The following SEMA5A variants were observed in gnomAD, a reference collection of about 807,000 sequenced individuals.
SEMA5A encodes semaphorin 5A.
In SEMA5A, 55 loss-of-function variants were observed where a neutral mutation model predicts 135.5. That is an observed-to-expected ratio of 0.41 (90% CI 0.33 to 0.51). The LOEUF (loss-of-function observed/expected upper bound fraction) is 0.51. Ranked by LOEUF, SEMA5A falls within the 20% of genes least tolerant of loss-of-function variation. The probability of loss-of-function intolerance (pLI) is 0.37; values close to 1 mark genes in which losing one functional copy is unlikely to be tolerated. For synonymous variants in SEMA5A, 580 were observed against 546.5 expected (o/e 1.06, Z -0.85); for missense variants, 1,290 against 1,419.9 (o/e 0.91, Z 1.47).
intron 2 of SEMA5A, among the ~76,000 whole-genome samples, chr5:9,382,099 C>T (rs964737457): frequency 7.9e-5 from 12 of 151,968 alleles, no homozygotes; most frequent in Non-Finnish European, 1.0e-4. Flanking sequence ...AGTTCGAGAC[C>T]AACCTGGGAA....
intron 2 of SEMA5A, among the ~76,000 whole-genome samples, chr5:9,430,152 A>G (rs182105013): frequency 1.3e-5 from 2 of 152,328 alleles, no homozygotes; most frequent in East Asian, 3.9e-4. Flanking sequence ...TGACAGAGAA[A>G]GAGAATAATC....
Position 9,329,916 on chromosome 5 carries a change from G to A in SEMA5A, c.224+7797C>T, listed in dbSNP as rs139499749. Among the ~76,000 whole-genome samples, 554 of 152,150 alleles carry A rather than the reference G, an allele frequency of 3.6e-3. 2 individuals carry two copies. The highest frequency in any genetic ancestry group is 0.013 in the African/African-American group (537 of 41,502). Reference sequence around the variant, plus strand: ...ATCATCTCTAGATTACTTATATCGAGCACATTATAAATGTAAATAGTCGTT... The same window carrying A: ...ATCATCTCTAGATTACTTATATCGAACACATTATAAATGTAAATAGTCGTT... On this transcript the variant is annotated intron_variant, in intron 4 of 22. Transcript: ENST00000382496.
At chr5:9,107,063 A>G in intron 16 of SEMA5A, among the ~76,000 whole-genome samples, 1 of 152,244 alleles carries the variant, frequency 6.6e-6, no homozygotes, top group Non-Finnish European at 1.5e-5. Flanking sequence ...TTACAGCAGC[A>G]CAAAAGCATT....
rs1002500196 is a variant in SEMA5A, at chr5:9,039,406, C to T, written c.*3491G>A. 1 of 152,298 alleles carries T rather than the reference C, an allele frequency of 6.6e-6. No individual in the cohort carries two copies. The highest frequency in any genetic ancestry group is 1.5e-5 in the Non-Finnish European group (1 of 68,078). The allele number at this position is 152,298 out of a possible 1,614,324, so 9.4% of individuals were successfully genotyped here. Reference sequence around the variant, plus strand: ...TCCCAAACCACATGACATGAACGGACTCTTCCTAGGGACAGAGGTTTCTCC... The same window carrying T: ...TCCCAAACCACATGACATGAACGGATTCTTCCTAGGGACAGAGGTTTCTCC... On this transcript the variant is annotated 3_prime_UTR_variant, in exon 23 of 23. Transcript: ENST00000382496.
intron 5 of SEMA5A, among the ~76,000 whole-genome samples, chr5:9,263,919 C>A (rs544990254): frequency 3.9e-4 from 59 of 152,308 alleles, no homozygotes; most frequent in African/African-American, 1.4e-3. Flanking sequence ...ACACATTCCC[C>A]TCATCTCTCC....
At chr5:9,524,241 G>A (rs1432891676) in intron 1 of SEMA5A, among the ~76,000 whole-genome samples, 2 of 152,212 alleles carry the variant, frequency 1.3e-5, no homozygotes, top group Non-Finnish European at 2.9e-5. Flanking sequence ...CCCCAGCCAT[G>A]CGGAACTATG....
chr5:9,221,379 T>A (rs1051941789), intron 8 of SEMA5A, among the ~76,000 whole-genome samples: 2 of 146,764 alleles, frequency 1.4e-5, no homozygotes, highest in Non-Finnish European at 3.0e-5. Context: ...CTCGGCTTAC[T>A]GCAAGCTCCG....
At chr5:9,116,549 C>A (rs1740524249) in intron 15 of SEMA5A, among the ~76,000 whole-genome samples, 1 of 152,096 alleles carries the variant, frequency 6.6e-6, no homozygotes, top group African/African-American at 2.4e-5. Flanking sequence ...TGCAACAAAG[C>A]TCCCATTGAA....
intron 5 of SEMA5A, 139 bp downstream of exon 5, chr5:9,318,233 C>T (rs1166051422): frequency 1.5e-6 from 1 of 672,948 alleles, no homozygotes; most frequent in East Asian, 2.7e-5. Flanking sequence ...CCGCCTTAGT[C>T]CCGTGGCCTG....
intron 1 of SEMA5A, among the ~76,000 whole-genome samples, chr5:9,541,995 G>A (rs461750): frequency 0.092 from 14,023 of 152,150 alleles, 1,072 homozygotes; most frequent in African/African-American, 0.2. Flanking sequence ...ATTTTGAATC[G>A]AAGCAAGTTT....
At chr5:9,248,224 T>C (rs1333510407) in intron 5 of SEMA5A, among the ~76,000 whole-genome samples, 1 of 152,154 alleles carries the variant, frequency 6.6e-6, no homozygotes, top group Non-Finnish European at 1.5e-5. Context: ...CTGTAACATC[T>C]GGGATATGTT....
intron 8 of SEMA5A, among the ~76,000 whole-genome samples, chr5:9,217,205 T>C (rs1270856189): frequency 2.6e-5 from 4 of 152,234 alleles, no homozygotes; most frequent in African/African-American, 7.2e-5. Context: ...CATTTGCTTA[T>C]CTGAAGAGAA....
rs1413954182 is a variant in SEMA5A, at chr5:9,040,723, A to G, written c.*2174T>C. ...CAAGTCATTGCAAAAGACTCATTAA[A>G]GACCAGCTTCGATGCCATTTAGAAA... On this transcript the variant is annotated 3_prime_UTR_variant, in exon 23 of 23. Transcript: ENST00000382496. 6.6e-6 allele frequency: 1 copy of G among 152,240 alleles called. No homozygotes were observed. The highest frequency in any genetic ancestry group is 1.5e-5 in the Non-Finnish European group (1 of 68,042). The allele number at this position is 152,240 out of a possible 1,614,324, so 9.4% of individuals were successfully genotyped here.
chr5:9,379,649 G>C (rs1755508262), intron 3 of SEMA5A, among the ~76,000 whole-genome samples, 174 bp downstream of exon 3: 2 of 152,154 alleles, frequency 1.3e-5, no homozygotes, highest in Non-Finnish European at 2.9e-5. Context: ...TCAGTTTCTG[G>C]ATATGAAATT....
At chr5:9,073,531 C>T (rs1173554808) in intron 16 of SEMA5A, among the ~76,000 whole-genome samples, 2 of 152,116 alleles carry the variant, frequency 1.3e-5, no homozygotes, top group Admixed American at 1.3e-4. Flanking sequence ...GTGCTTTCCT[C>T]CTAAGATGAG....
At chr5:9,045,774 G>A (rs943073903) in intron 21 of SEMA5A, 1 of 152,072 alleles carries the variant, frequency 6.6e-6, no homozygotes, top group East Asian at 1.9e-4. Context: ...CTATTTAATG[G>A]CATCTCTTCT....
chr5:9,268,798 G>GTA (rs1255125342), intron 5 of SEMA5A, among the ~76,000 whole-genome samples: 1 of 151,954 alleles, frequency 6.6e-6, no homozygotes, highest in Admixed American at 6.6e-5. Context: ...ATGCTACCTT[G>GTA]TATATATATA....
chr5:9,320,352 G>C (rs1752574348), intron 4 of SEMA5A, among the ~76,000 whole-genome samples: 1 of 152,162 alleles, frequency 6.6e-6, no homozygotes, highest in Non-Finnish European at 1.5e-5. Flanking sequence ...ATACCTCTGA[G>C]GGGAGGGAAT....
chr5:9,324,361 C>G (rs1489177362), intron 4 of SEMA5A, among the ~76,000 whole-genome samples: 1 of 152,202 alleles, frequency 6.6e-6, no homozygotes, highest in Admixed American at 6.5e-5. Context: ...AGCCACCGTG[C>G]CTGGCCTAAA....
Sources: allele counts gnomAD v4.1 joint callset (sites outside exome capture counted in the v4.1 genomes callset), GRCh38; gene constraint gnomAD v4.1.1; transcripts MANE v1.5; gene names NCBI Gene and HGNC (gene_info 2026-07-23, HGNC 2026-07-21).